Variants in SPMIP7 observed in about 807,000 individuals in gnomAD.
SPMIP7 encodes the protein protein SPMIP7.
At chr7:50,104,045 A>G in the SPMIP7 span, among the ~76,000 whole-genome samples, 1 of 152,222 alleles carries the variant, frequency 6.6e-6, no homozygotes, top group African/African-American at 2.4e-5. Flanking sequence ...GTCTGTGTGC[A>G]CATACATAGA....
the SPMIP7 span, among the ~76,000 whole-genome samples, chr7:50,115,119 G>A: frequency 6.6e-6 from 1 of 151,846 alleles, no homozygotes; most frequent in Non-Finnish European, 1.5e-5. Flanking sequence ...GGTAAGATGT[G>A]AAAATATATA....
At chr7:50,137,849 T>C in the SPMIP7 span, among the ~76,000 whole-genome samples, 1 of 152,200 alleles carries the variant, frequency 6.6e-6, no homozygotes, top group Admixed American at 6.5e-5. Context: ...GCTGTTGGGT[T>C]TTTACTTACT....
chr7:50,133,541 A>T, the SPMIP7 span, among the ~76,000 whole-genome samples: 1 of 152,136 alleles, frequency 6.6e-6, no homozygotes, highest in Non-Finnish European at 1.5e-5. Context: ...CTTCTGTGTG[A>T]CAGACTGCAG....
the SPMIP7 span, among the ~76,000 whole-genome samples, chr7:50,144,349 T>G: frequency 1.3e-5 from 2 of 152,220 alleles, no homozygotes; most frequent in African/African-American, 4.8e-5. Flanking sequence ...TTTATGAATG[T>G]GTGCAACATA....
At chr7:50,139,821 C>G in the SPMIP7 span, among the ~76,000 whole-genome samples, 1 of 152,164 alleles carries the variant, frequency 6.6e-6, no homozygotes, top group African/African-American at 2.4e-5. Context: ...GATAAAGATA[C>G]TAGAGTATGC....
At chr7:50,116,783 C>G in the SPMIP7 span, among the ~76,000 whole-genome samples, 413 of 152,210 alleles carry the variant, frequency 2.7e-3, 1 homozygote, top group African/African-American at 9.2e-3. Flanking sequence ...TCAGAAATAA[C>G]TAAGACTATT....
chr7:50,098,056 T>G, the SPMIP7 span, among the ~76,000 whole-genome samples: 1 of 152,230 alleles, frequency 6.6e-6, no homozygotes, highest in East Asian at 1.9e-4. Flanking sequence ...TTGTAAATGA[T>G]AAGTACTTTC....
chr7:50,116,360 C>T, the SPMIP7 span, among the ~76,000 whole-genome samples: 85 of 152,286 alleles, frequency 5.6e-4, 1 homozygote, highest in Non-Finnish European at 7.9e-4. Context: ...GGCAGTCTGC[C>T]ACTGACTCCA....
At chr7:50,146,880 C>G in the SPMIP7 span, among the ~76,000 whole-genome samples, 1 of 152,220 alleles carries the variant, frequency 6.6e-6, no homozygotes, top group South Asian at 2.1e-4. Context: ...GGGCACTGTG[C>G]CAGGCCTTTA....
the SPMIP7 span, among the ~76,000 whole-genome samples, chr7:50,119,260 A>C: frequency 6.6e-6 from 1 of 152,204 alleles, no homozygotes; most frequent in African/African-American, 2.4e-5. Flanking sequence ...CTGGAAATGT[A>C]TACCTGTTTG....
At chr7:50,131,936 T>A in the SPMIP7 span, among the ~76,000 whole-genome samples, 77,435 of 151,934 alleles carry the variant, frequency 0.51, 20,521 homozygotes, top group East Asian at 0.73. Context: ...ATCTGCCCAC[T>A]CTTTTTTCTT....
chr7:50,155,433 T>C, the SPMIP7 span, among the ~76,000 whole-genome samples: 1 of 152,046 alleles, frequency 6.6e-6, no homozygotes, highest in African/African-American at 2.4e-5. Context: ...CCAAAGAGAG[T>C]GGGATGAAAC....
chr7:50,129,684 G>A, the SPMIP7 span: 5 of 1,331,284 alleles, frequency 3.8e-6, no homozygotes, highest in African/African-American at 5.9e-5. Context: ...ATTTATATTT[G>A]GTCTCTTTTA....
At chr7:50,109,039 C>T in the SPMIP7 span, among the ~76,000 whole-genome samples, 4 of 152,082 alleles carry the variant, frequency 2.6e-5, no homozygotes, top group African/African-American at 9.7e-5. Flanking sequence ...GCTTGTTTTG[C>T]CTCTGGCTAA....
At chr7:50,106,451 C>T in the SPMIP7 span, among the ~76,000 whole-genome samples, 1 of 152,132 alleles carries the variant, frequency 6.6e-6, no homozygotes, top group Non-Finnish European at 1.5e-5. Flanking sequence ...CTAGCTTAAT[C>T]CAAGTAAATA....
the SPMIP7 span, among the ~76,000 whole-genome samples, chr7:50,158,233 G>C: frequency 6.6e-6 from 1 of 150,968 alleles, no homozygotes; most frequent in Non-Finnish European, 1.5e-5. Context: ...CTAGCCTCTG[G>C]GTGAAGCCTG....
chr7:50,108,240 T>C, the SPMIP7 span, among the ~76,000 whole-genome samples: 1 of 152,058 alleles, frequency 6.6e-6, no homozygotes, highest in African/African-American at 2.4e-5. Context: ...ACACAACATG[T>C]AGAAGACAGC....
At chr7:50,096,004 T>A in the SPMIP7 span, 3 of 870,734 alleles carry the variant, frequency 3.4e-6, no homozygotes, top group Non-Finnish European at 5.0e-6. Context: ...CTTTAGTTAT[T>A]GGCAATAGAG....
chr7:50,102,018 G>GATA, the SPMIP7 span, among the ~76,000 whole-genome samples: 1 of 152,128 alleles, frequency 6.6e-6, no homozygotes, highest in Non-Finnish European at 1.5e-5. Flanking sequence ...TAGAATCTAT[G>GATA]ATAATAATAA....
Sources: allele counts gnomAD v4.1 joint callset (sites outside exome capture counted in the v4.1 genomes callset), GRCh38; gene constraint gnomAD v4.1.1; transcripts MANE v1.5; gene names NCBI Gene and HGNC (gene_info 2026-07-23, HGNC 2026-07-21).